Variants in IQSEC1 observed in about 807,000 individuals in gnomAD.
IQSEC1 encodes IQ motif and SEC7 domain-containing protein 1.
IQSEC1 carries 31 observed loss-of-function variants against 91.0 expected under a neutral mutation model. The ratio of observed to expected loss-of-function variants is 0.34; its 90% CI spans 0.26 to 0.46. IQSEC1 has a LOEUF of 0.46. Among genes scored for constraint, IQSEC1 ranks in the 20% least tolerant of loss-of-function variants. IQSEC1 has a pLI of 1.00. For synonymous variants in IQSEC1, 699 were observed against 662.6 expected, an observed-to-expected ratio of 1.05 and a Z score of -0.84; for missense variants, 1,388 against 1,575.6, an observed-to-expected ratio of 0.88 and a Z score of 2.02.
chr3:13,026,168 C>T (rs1468746457), intron 1 of IQSEC1, among the ~76,000 whole-genome samples: 1 of 152,212 alleles, frequency 6.6e-6, no homozygotes, highest in Admixed American at 6.5e-5. Context: ...TTCCTGTGCC[C>T]CTCGGCAGCC....
At chr3:13,255,454 T>C (rs749543417) in intron 1 of IQSEC1, among the ~76,000 whole-genome samples, 4 of 152,198 alleles carry the variant, frequency 2.6e-5, no homozygotes, top group Non-Finnish European at 4.4e-5. Context: ...CAGATTCAAA[T>C]GGCTGCATCA....
chr3:13,095,267 T>A (rs1705934563), intron 2 of IQSEC1, among the ~76,000 whole-genome samples: 1 of 151,744 alleles, frequency 6.6e-6, no homozygotes, highest in Admixed American at 6.6e-5. Flanking sequence ...GTGTGGTCAA[T>A]CCCCGACCCC....
intron 1 of IQSEC1, among the ~76,000 whole-genome samples, chr3:13,276,080 C>CTTTTTTTTT (rs796663192): frequency 1.0e-4 from 8 of 79,552 alleles, no homozygotes; most frequent in East Asian, 5.3e-4. Context: ...CAAAAGCATT[C>CTTTTTTTTT]TTTTTTTTTT....
At chr3:13,190,391 C>G (rs758817766) in intron 1 of IQSEC1, among the ~76,000 whole-genome samples, 1 of 150,226 alleles carries the variant, frequency 6.7e-6, no homozygotes, top group African/African-American at 2.5e-5. Context: ...GAGAGCAAAA[C>G]CTCATCTCTA....
At chr3:13,132,164 T>C (rs976181372) in intron 2 of IQSEC1, among the ~76,000 whole-genome samples, 1 of 152,276 alleles carries the variant, frequency 6.6e-6, no homozygotes, top group Non-Finnish European at 1.5e-5. Context: ...TGAAATTGCA[T>C]GGAAACTATC....
intron 1 of IQSEC1, among the ~76,000 whole-genome samples, chr3:12,968,699 A>G (rs1483845921): frequency 6.6e-6 from 1 of 152,212 alleles, no homozygotes; most frequent in East Asian, 1.9e-4. Flanking sequence ...ACACCTGTGG[A>G]ATGCCTAGAC....
chr3:12,902,329 T>C (rs1278103504), intron 13 of IQSEC1, among the ~76,000 whole-genome samples: 5 of 151,866 alleles, frequency 3.3e-5, no homozygotes, highest in Non-Finnish European at 7.4e-5. Flanking sequence ...GCGATGAGGA[T>C]GGGCGGGCGT....
At chr3:12,923,290 C>T (rs924656910) in intron 4 of IQSEC1, among the ~76,000 whole-genome samples, 3 of 151,978 alleles carry the variant, frequency 2.0e-5, no homozygotes, top group Non-Finnish European at 4.4e-5. Context: ...AGTGGGGAGT[C>T]GGGGCAGCAT....
rs1469927456 is a variant in IQSEC1 at position 13,259,854 on chromosome 3, G to T, written c.272+22857C>A. Reference sequence around the variant, plus strand: ...GGGCTTGCTTGTTGTGGCGCTCAGCGGGAGAAGTTTCTACCATATACAGTT... The same window carrying T: ...GGGCTTGCTTGTTGTGGCGCTCAGCTGGAGAAGTTTCTACCATATACAGTT... On this transcript the variant is annotated intron_variant, in intron 1 of 15. Transcript: ENST00000648114. This position sits in a 1 kb window ranked among gnomAD's most constrained non-coding sequence, Gnocchi z 4.6. 6.6e-6 allele frequency among the ~76,000 whole-genome samples: 1 copy of T among 152,246 alleles called. No homozygotes were observed. The highest frequency in any genetic ancestry group is 1.5e-5 in the Non-Finnish European group (1 of 68,052).
intron 2 of IQSEC1, among the ~76,000 whole-genome samples, chr3:13,126,021 C>T (rs932173222): frequency 5.3e-5 from 8 of 152,104 alleles, no homozygotes; most frequent in African/African-American, 1.9e-4. Context: ...TCATTTGTGT[C>T]CTGAAGCTGG....
chr3:13,007,092 A>C (rs1171092855), intron 1 of IQSEC1, among the ~76,000 whole-genome samples: 1 of 152,204 alleles, frequency 6.6e-6, no homozygotes, highest in African/African-American at 2.4e-5. Flanking sequence ...CCATCCCTGC[A>C]GTGGTAGGGG....
chr3:13,050,451 G>T (rs1025513196), intron 1 of IQSEC1, among the ~76,000 whole-genome samples: 2 of 152,190 alleles, frequency 1.3e-5, no homozygotes, highest in African/African-American at 4.8e-5. Context: ...GTTGAGAAAT[G>T]AGATAGTGCC....
Position 12,902,779 on chromosome 3 carries a change from A to G in IQSEC1, c.2799T>C (p.Asn933=). ...AGAGGCGCTTCCTACTTACTTCCAC[A>G]TTGCTCTCTAGCGATCCCGCACTGC... ...RRSSAGSLES[N]VEGSIISSPH... The change falls in exon 13 of 14, where the codon AAT becomes AAC. Residue 933 remains asparagine, a synonymous_variant. Coordinates refer to ENST00000613206, the MANE Select transcript of IQSEC1 (RefSeq NM_001134382.3). 1.2e-6 allele frequency: 2 copies of G among 1,611,322 alleles called. No individual in the cohort carries two copies. The highest frequency in any genetic ancestry group is 1.1e-5 in the South Asian group (1 of 90,974).
intron 1 of IQSEC1, among the ~76,000 whole-genome samples, chr3:13,244,338 C>G (rs1226559931): frequency 6.6e-6 from 1 of 152,186 alleles, no homozygotes; most frequent in East Asian, 1.9e-4. Flanking sequence ...TAATTTAATA[C>G]TACCATGTCT....
exon 2 of IQSEC1, among the ~76,000 whole-genome samples, chr3:13,164,115 C>A (rs778206191): frequency 6.6e-6 from 1 of 152,176 alleles, no homozygotes; most frequent in South Asian, 2.1e-4. Context: ...TGACGCTCCG[C>A]GAGCTTTCTC....
chr3:13,128,634 G>GCACC (rs1449105412), intron 2 of IQSEC1, among the ~76,000 whole-genome samples: 2 of 152,150 alleles, frequency 1.3e-5, no homozygotes, highest in African/African-American at 4.8e-5. Context: ...GGGAGGCCGA[G>GCACC]GCGGGCGGAT....
At chr3:13,044,495 G>A (rs534017933) in intron 1 of IQSEC1, among the ~76,000 whole-genome samples, 2 of 152,338 alleles carry the variant, frequency 1.3e-5, no homozygotes, top group Non-Finnish European at 2.9e-5. Context: ...ATACAGTCGG[G>A]GAGTGCGAGG....
rs1040212768 is a variant in IQSEC1, at chr3:12,983,227, A to T, written c.24-41362T>A. ...AGCACCTAAGCCCCATCCTCTGCAA[A>T]CAGGGGTTTCACCCAACCTTCCCCA... On this transcript the variant is annotated intron_variant, in intron 1 of 13. Transcript: ENST00000613206. This position sits in a 1 kb window ranked among gnomAD's most constrained non-coding sequence, Gnocchi z 4.3. Among the ~76,000 whole-genome samples, 17 of 152,198 alleles carry T rather than the reference A, an allele frequency of 1.1e-4. No individual in the cohort carries two copies. Among genetic ancestry groups the T allele is most frequent in the African/African-American group, 4.1e-4 (17 of 41,440 alleles).
intron 1 of IQSEC1, among the ~76,000 whole-genome samples, chr3:13,248,802 C>G (rs1402770452): frequency 6.6e-6 from 1 of 152,228 alleles, no homozygotes; most frequent in Admixed American, 6.5e-5. Context: ...GGTTGAGTAA[C>G]TTGCCTGAGG....
Sources: gnomAD v4.1 joint callset for allele counts (sites outside exome capture counted in the v4.1 genomes callset) on GRCh38, gnomAD v4.1.1 for gene constraint, Gnocchi (gnomAD v3.1) non-coding constraint, MANE v1.5 for transcripts, NCBI Gene and HGNC (gene_info 2026-07-23, HGNC 2026-07-21) for gene names.